Variants in ELK4 observed in about 807,000 individuals in gnomAD.
ELK4 encodes ETS transcription factor ELK4.
ELK4 carries 16 observed loss-of-function variants against 29.6 expected under a neutral mutation model. That is an observed-to-expected ratio of 0.54 (90% CI 0.37 to 0.82). The LOEUF (loss-of-function observed/expected upper bound fraction) is 0.82, where lower values mean the gene tolerates loss of function less well. ELK4 is among the 40% of genes least tolerant of loss of function. The pLI is 0.00. For synonymous variants in ELK4, 213 were observed against 191.1 expected (o/e 1.11, Z -0.95); for missense variants, 465 against 507.1 (o/e 0.92, Z 0.80).
intron 4 of ELK4, among the ~76,000 whole-genome samples, chr1:205,618,396 T>C (rs1369142095): frequency 2.0e-5 from 3 of 152,094 alleles, no homozygotes; most frequent in East Asian, 1.9e-4. Flanking sequence ...CTAAATCTCC[T>C]ACAGTATTGA....
At position 205,619,670 on chromosome 1, in the gene ELK4, A is replaced by G. The variant is rs375865429; in HGVS notation, c.1080+296T>C. 44 of 1,382,934 alleles carry G rather than the reference A, an allele frequency of 3.2e-5. 1 individual carries two copies. In the African/African-American group the frequency reaches 5.3e-4, roughly 17 times the overall value. 85.7% of individuals were successfully genotyped at this position (1,382,934 alleles called of 1,614,324 possible). A position where few individuals can be genotyped will look rare whatever the true frequency, so the allele number is the denominator to read the frequency against. On this transcript the variant is annotated intron_variant, in intron 3 of 4. Transcript: ENST00000357992. ...GTTTTATAAGACACCAACGAGTTTT[A>G]TAAGACCGAGAGAGAGCGAGAGAGT...
intron 1 of ELK4, among the ~76,000 whole-genome samples, chr1:205,629,571 C>G (rs1670536647): frequency 6.6e-6 from 1 of 151,720 alleles, no homozygotes; most frequent in Non-Finnish European, 1.5e-5. Context: ...ACAAAAATTA[C>G]CTGGGCGTGG....
In ELK4 at chr1:205,625,278, A is replaced by T. The variant is rs371812976; in HGVS notation, c.-9-1387T>A. The stretch of plus-strand genomic sequence containing the variant: ...AGGGAGCCTGCATCCAAAATATATT[A>T]AAAAACGCCTACGACTAAAAAAAAA... On this transcript the variant is annotated intron_variant, in intron 1 of 4. Coordinates refer to ENST00000357992, the MANE Select transcript of ELK4 (RefSeq NM_001973.4). 6.7e-5 allele frequency among the ~76,000 whole-genome samples: 8 copies of T among 119,780 alleles called. No individual in the cohort carries two copies. In the East Asian group the frequency reaches 9.6e-4, roughly 14 times the overall value. The allele number at this position is 119,780 out of a possible 152,430, so 78.6% of individuals were successfully genotyped here.
intron 1 of ELK4, among the ~76,000 whole-genome samples, chr1:205,627,926 CCA>C (rs1215822208): frequency 6.6e-6 from 1 of 152,126 alleles, no homozygotes; most frequent in Non-Finnish European, 1.5e-5. Flanking sequence ...GAGATGCTGC[CCA>C]CAGTCAGAAT....
chr1:205,619,735 A>T, intron 3 of ELK4: 1 of 1,462,508 alleles, frequency 6.8e-7, no homozygotes, highest in Non-Finnish European at 9.0e-7. Flanking sequence ...AAATCAAAAT[A>T]TTTATTTACT....
chr1:205,623,903 T>C lies in ELK4; in HGVS notation c.-9-12A>G, dbSNP rs1558022759. The C allele has an allele frequency of 2.5e-6, 4 of 1,611,190 alleles. No homozygotes were observed. The highest frequency in any genetic ancestry group is 3.4e-6 in the Non-Finnish European group (4 of 1,177,546). ...TCCATAGCAATGAGCTGAAAGAATA[T>C]AGATAAGATATGTGATAATATTAAC... On this transcript the variant is annotated splice_polypyrimidine_tract_variant and intron_variant, in intron 1 of 4. Coordinates refer to ENST00000357992, the MANE Select transcript of ELK4 (RefSeq NM_001973.4).
In ELK4 at chr1:205,631,595, C is replaced by T. The variant is rs575931791; in HGVS notation, c.-10+37G>A. 8.8e-4 allele frequency: 169 copies of T among 192,538 alleles called. 1 individual carries two copies. The highest frequency in any genetic ancestry group is 8.7e-3 in the South Asian group (113 of 12,924). The allele number at this position is 192,538 out of a possible 1,614,324, so 11.9% of individuals were successfully genotyped here. On this transcript the variant is annotated intron_variant, in intron 1 of 4. Transcript: ENST00000357992. Reference sequence around the variant, plus strand: ...CTCCCGGCCGGTGGGGCTGTGGCCGCGAGATCCCGAGGGGGCGCGCGGGGC... The same window carrying T: ...CTCCCGGCCGGTGGGGCTGTGGCCGTGAGATCCCGAGGGGGCGCGCGGGGC...
Position 205,613,248 on chromosome 1 carries a change from T to G in ELK4, c.*3298A>C. 5.1e-6 allele frequency: 1 copy of G among 197,440 alleles called. No individual in the cohort carries two copies. Among genetic ancestry groups the G allele is most frequent in the Non-Finnish European group, 1.0e-5 (1 of 95,282 alleles). The allele number at this position is 197,440 out of a possible 1,614,324, so 12.2% of individuals were successfully genotyped here. ...TATGCAGGAGGCTGAGGCAGGAGGA[T>G]CACTTGAGCCCGGGAGTTTGAGTCC... is the stretch of plus-strand genomic sequence containing the variant. On this transcript the variant is annotated 3_prime_UTR_variant, in exon 5 of 5. Coordinates refer to ENST00000357992, the MANE Select transcript of ELK4 (RefSeq NM_001973.4).
At position 205,623,729 on chromosome 1, in the gene ELK4, G is replaced by C. The variant is rs1425483123; in HGVS notation, c.154C>G (p.Pro52Ala). 6.2e-7 allele frequency: 1 copy of C among 1,614,106 alleles called. No homozygotes were observed. Among genetic ancestry groups the C allele is most frequent in the Admixed American group, 1.7e-5 (1 of 60,018 alleles). ...CTGAGTTTGTCATAATTCATGTTAG[G>C]CTTGTTCTTGCGAATCCCCCAGAGA... ...ARLWGIRKNKPNMNYDKLSRA... is the reference protein window; with the variant it reads ...ARLWGIRKNKANMNYDKLSRA... The change falls in exon 2 of 5, where the codon CCT becomes GCT. Residue 52 changes from proline (P) to alanine (A), a missense_variant. Around this residue, in one of 2 missense-constraint regions of ELK4, gnomAD observed 385 missense variants for 387.5 expected, o/e 0.99. Transcript: ENST00000357992.
intron 1 of ELK4, among the ~76,000 whole-genome samples, chr1:205,631,288 G>A (rs1670580524): frequency 6.6e-6 from 1 of 152,238 alleles, no homozygotes; most frequent in African/African-American, 2.4e-5. Context: ...GCCTTGGTAA[G>A]CACTGAATTA....
At position 205,612,116 on chromosome 1, in the gene ELK4, T is replaced by C. The variant is rs534291935; in HGVS notation, c.*4430A>G. 5.6e-5 allele frequency: 11 copies of C among 197,248 alleles called. No individual in the cohort carries two copies. Among genetic ancestry groups the C allele is most frequent in the South Asian group, 1.9e-4 (1 of 5,230 alleles). 12.2% of individuals were successfully genotyped at this position (197,248 alleles called of 1,614,324 possible). On this transcript the variant is annotated 3_prime_UTR_variant, in exon 5 of 5. Coordinates refer to ENST00000357992, the MANE Select transcript of ELK4 (RefSeq NM_001973.4). ...AGAGACAACAGGCTGACGAAAGTAA[T>C]AGGAATAAAGCTGTGGAAAACATGT... is the stretch of plus-strand genomic sequence containing the variant.
At chr1:205,623,119 T>C (rs372317229) in intron 2 of ELK4, among the ~76,000 whole-genome samples, 4 of 145,934 alleles carry the variant, frequency 2.7e-5, no homozygotes, top group Non-Finnish European at 4.5e-5. Context: ...GATCGCACCA[T>C]TGCACTCCAG....
chr1:205,623,312 CTTTT>C (rs1224816064), intron 2 of ELK4, among the ~76,000 whole-genome samples: 3 of 137,352 alleles, frequency 2.2e-5, no homozygotes, highest in Admixed American at 7.4e-5. Context: ...AACAAGGAAT[CTTTT>C]TTTTTTTTTT....
Position 205,616,300 on chromosome 1 carries a change from A to T in ELK4, c.*246T>A. The T allele has an allele frequency of 2.6e-6, 1 of 379,396 alleles. No homozygotes were observed. 23.5% of individuals were successfully genotyped at this position (379,396 alleles called of 1,614,324 possible). On this transcript the variant is annotated 3_prime_UTR_variant, in exon 5 of 5. Coordinates refer to ENST00000357992, the MANE Select transcript of ELK4 (RefSeq NM_001973.4). Reference sequence around the variant, plus strand: ...GGAGAAAAGAAAAGGAAGGAAGGAAAGAAAAAGAAAAGGAAAAGACAGAGG... The same window carrying T: ...GGAGAAAAGAAAAGGAAGGAAGGAATGAAAAAGAAAAGGAAAAGACAGAGG...
rs1670200784 is a variant in ELK4 at position 205,614,609 on chromosome 1, T to C, written c.*1937A>G. 1 of 227,784 alleles carries C rather than the reference T, an allele frequency of 4.4e-6. No homozygotes were observed. Among genetic ancestry groups the C allele is most frequent in the Non-Finnish European group, 8.7e-6 (1 of 114,796 alleles). The allele number at this position is 227,784 out of a possible 1,614,324, so 14.1% of individuals were successfully genotyped here. On this transcript the variant is annotated 3_prime_UTR_variant, in exon 5 of 5. Transcript: ENST00000357992. Reference sequence around the variant, plus strand: ...TAACAAGTCTCCGACACTACAGATATAAAGGCAGCTCACTGAATATGTTCC... The same window carrying C: ...TAACAAGTCTCCGACACTACAGATACAAAGGCAGCTCACTGAATATGTTCC...
intron 1 of ELK4, among the ~76,000 whole-genome samples, chr1:205,630,395 C>T (rs910599640): frequency 2.6e-5 from 4 of 152,194 alleles, no homozygotes; most frequent in Non-Finnish European, 5.9e-5. Flanking sequence ...GTTTATAATA[C>T]ACACAGTCCA....
rs143111721 is a variant in ELK4, at chr1:205,609,453, A to C, written c.*7093T>G. 25 of 193,228 alleles carry C rather than the reference A, an allele frequency of 1.3e-4. 1 individual carries two copies. Among genetic ancestry groups the C allele is most frequent in the African/African-American group, 5.1e-4 (22 of 43,282 alleles). The allele number at this position is 193,228 out of a possible 1,614,324, so 12.0% of individuals were successfully genotyped here. A position where few individuals can be genotyped will look rare whatever the true frequency, so the allele number is the denominator to read the frequency against. ...TGTGATTAGAAAAGATCCAGGGCCA[A>C]AACAAATAAATAGGCCTCAAGGAAT... On this transcript the variant is annotated 3_prime_UTR_variant, in exon 5 of 5. Coordinates refer to ENST00000357992, the MANE Select transcript of ELK4 (RefSeq NM_001973.4).
Position 205,612,473 on chromosome 1 carries a change from A to G in ELK4, c.*4073T>C, listed in dbSNP as rs1300545396. The stretch of plus-strand genomic sequence containing the variant: ...ACATATTACTTTGGTATAGCGGTAT[A>G]TAATTTAACATATACCCATATGAAT... On this transcript the variant is annotated 3_prime_UTR_variant, in exon 5 of 5. Coordinates refer to ENST00000357992, the MANE Select transcript of ELK4 (RefSeq NM_001973.4). 4.7e-6 allele frequency: 1 copy of G among 214,220 alleles called. No individual in the cohort carries two copies. The highest frequency in any genetic ancestry group is 9.4e-6 in the Non-Finnish European group (1 of 106,096). 13.3% of individuals were successfully genotyped at this position (214,220 alleles called of 1,614,324 possible). A position where few individuals can be genotyped will look rare whatever the true frequency, so the allele number is the denominator to read the frequency against.
Position 205,623,751 on chromosome 1 carries a change from G to A in ELK4, c.132C>T (p.Leu44=). ...KLLQAEEVAR[L]WGIRKNKPNM... is the part of the protein sequence containing the mutation. ...TAGGCTTGTTCTTGCGAATCCCCCA[G>A]AGACGAGCCACCTCTTCTGCCTGCA... The change falls in exon 2 of 5, where the codon CTC becomes CTT. Residue 44 remains leucine, a synonymous_variant. Coordinates refer to ENST00000357992, the MANE Select transcript of ELK4 (RefSeq NM_001973.4). The A allele has an allele frequency of 6.2e-7, 1 of 1,614,172 alleles. No homozygotes were observed. The highest frequency in any genetic ancestry group is 8.5e-7 in the Non-Finnish European group (1 of 1,180,036).
Sources: allele counts gnomAD v4.1 joint callset (sites outside exome capture counted in the v4.1 genomes callset), GRCh38; gene constraint gnomAD v4.1.1; regional missense constraint gnomAD v4.1.1; transcripts MANE v1.5; gene names NCBI Gene and HGNC (gene_info 2026-07-23, HGNC 2026-07-21).